Variants in FAT1 observed in about 807,000 individuals in gnomAD.
The protein encoded by FAT1 is FAT atypical cadherin 1.
A neutral mutation model predicts 329.8 loss-of-function variants in FAT1; 171 were observed. The observed-to-expected ratio is 0.52, with a 90% CI of 0.46 to 0.59. FAT1 has a LOEUF of 0.59. Ranked by LOEUF, FAT1 falls within the 20% of genes least tolerant of loss-of-function variation. The pLI is 0.00. For missense variants in FAT1, 5,672 were observed against 5,774.4 expected (o/e 0.98, Z 0.57); for synonymous variants, 2,233 against 2,228.6 (o/e 1.00, Z -0.06).
rs753919744 is a variant in FAT1, at chr4:186,709,155, C to T, written c.673G>A (p.Ala225Thr). 6.2e-7 allele frequency: 1 copy of T among 1,614,004 alleles called. No individual in the cohort carries two copies. The highest frequency in any genetic ancestry group is 8.5e-7 in the Non-Finnish European group (1 of 1,179,890). The change falls in exon 2 of 27, where the codon GCG (alanine) becomes ACG (threonine). Residue 225 changes from alanine to threonine, a missense_variant. Physicochemically the swap from Ala to Thr is moderately conservative, Grantham distance 58. Transcript: ENST00000441802. Reference protein sequence around the residue: ...TKLYEMEILAADRGMKLYGSS... With the variant: ...TKLYEMEILATDRGMKLYGSS... ...CCATACAACTTCATGCCACGGTCCG[C>T]AGCGAGGATTTCCATCTCATAGAGC...
intron 2 of FAT1, among the ~76,000 whole-genome samples, chr4:186,667,874 C>CT (rs1427015110): frequency 6.6e-6 from 1 of 152,200 alleles, no homozygotes; most frequent in Non-Finnish European, 1.5e-5. Flanking sequence ...GCCGGACAGT[C>CT]TGACTCCAGG....
chr4:186,646,863 G>T (rs1366999410), intron 3 of FAT1, among the ~76,000 whole-genome samples: 5 of 152,204 alleles, frequency 3.3e-5, no homozygotes, highest in Non-Finnish European at 7.4e-5. Flanking sequence ...TAGAATTGCT[G>T]GTGTACTACT....
At chr4:186,703,756 G>A (rs1487290539) in intron 2 of FAT1, among the ~76,000 whole-genome samples, 1 of 152,234 alleles carries the variant, frequency 6.6e-6, no homozygotes, top group South Asian at 2.1e-4. Context: ...CCAAGCTGTA[G>A]TGCAGTCTCT....
chr4:186,632,799 T>C (rs946403904), intron 7 of FAT1, among the ~76,000 whole-genome samples: 1 of 152,234 alleles, frequency 6.6e-6, no homozygotes. Context: ...AACAGGATAA[T>C]CTAACGCTAG....
chr4:186,662,003 TC>T (rs1264358684), intron 3 of FAT1, among the ~76,000 whole-genome samples: 5 of 131,540 alleles, frequency 3.8e-5, no homozygotes, highest in Admixed American at 3.0e-4. Flanking sequence ...GTGTAGGAAA[TC>T]CTCCCCCCCG....
rs2126688656 is a variant in FAT1 at position 186,707,451 on chromosome 4, T to A, written c.2377A>T (p.Thr793Ser). 6.2e-7 allele frequency: 1 copy of A among 1,614,008 alleles called. No homozygotes were observed. The highest frequency in any genetic ancestry group is 1.1e-5 in the South Asian group (1 of 91,078). ...TGGGGTATCCCAAGGTCATAGACGG[T>A]AATATTCAGGGTGTATTTGTCTGTT... ...ETTDKYTLNI[T>S]VYDLGIPQKA... is the part of the protein sequence containing the mutation. The change falls in exon 2 of 27, where the codon ACC (threonine) becomes TCC (serine). Residue 793 changes from threonine to serine, a missense_variant. This residue lies in a region of FAT1 where 3,966 missense variants were observed against 3,915.2 expected (regional missense o/e 1.01). Coordinates refer to ENST00000441802, the MANE Select transcript of FAT1 (RefSeq NM_005245.4).
At chr4:186,597,620 T>C in intron 24 of FAT1, 62 bp downstream of exon 24, 1 of 1,156,932 alleles carries the variant, frequency 8.6e-7, no homozygotes, top group Non-Finnish European at 1.3e-6. Flanking sequence ...GTCTGTTGCA[T>C]CTGCCAGTCA....
intron 2 of FAT1, among the ~76,000 whole-genome samples, chr4:186,700,036 G>A (rs114936028): frequency 0.012 from 1,795 of 152,184 alleles, 40 homozygotes; most frequent in African/African-American, 0.042. Context: ...CAAGGGGGAC[G>A]GTGAGTAAGC....
chr4:186,673,104 C>T (rs1175175002), intron 2 of FAT1, among the ~76,000 whole-genome samples: 4 of 152,230 alleles, frequency 2.6e-5, no homozygotes, highest in East Asian at 1.9e-4. Flanking sequence ...AAATATGATG[C>T]TACTGCTGTT....
chr4:186,597,889 G>A (rs779847763), intron 23 of FAT1, 83 bp downstream of exon 23: 40 of 1,561,380 alleles, frequency 2.6e-5, no homozygotes, highest in African/African-American at 1.4e-4. Flanking sequence ...GCAAATTAAC[G>A]TGCAGACTTT....
In FAT1 at chr4:186,619,262, T is replaced by C. The variant is rs1054095106; in HGVS notation, c.7324A>G (p.Ser2442Gly). Residue 2442 changes from serine (S) to glycine (G), a missense_variant, in exon 10 of 27, where the codon AGT becomes GGT. Ser to Gly is a moderately conservative substitution (Grantham distance 56, BLOSUM62 0). Coordinates refer to ENST00000441802, the MANE Select transcript of FAT1 (RefSeq NM_005245.4). The stretch of plus-strand genomic sequence containing the variant: ...GAGAGGGTGATAATCCCTGTTGCAC[T>C]GTCAATGACAAAATGTTTATGATCA... The part of the protein sequence containing the change: ...GNDHKHFVID[S>G]ATGIITLSNL... 1.2e-6 allele frequency: 2 copies of C among 1,614,032 alleles called. No homozygotes were observed. Among genetic ancestry groups the C allele is most frequent in the Non-Finnish European group, 1.7e-6 (2 of 1,179,902 alleles).
rs181534488 is a variant in FAT1 at position 186,655,037 on chromosome 4, G to T, written c.3580+8262C>A. ...TAAGAAGATTCACTATTTATCAAAT[G>T]AGGTTTTTATGGTATATACATATTG... is the stretch of plus-strand genomic sequence containing the variant. On this transcript the variant is annotated intron_variant, in intron 3 of 26. Coordinates refer to ENST00000441802, the MANE Select transcript of FAT1 (RefSeq NM_005245.4). 1.4e-4 allele frequency among the ~76,000 whole-genome samples: 21 copies of T among 152,230 alleles called. No homozygotes were observed. The East Asian group carries it at 3.9e-3, about 28-fold the overall frequency.
chr4:186,628,427 C>T (rs1740426334), intron 8 of FAT1, 61 bp downstream of exon 8: 26 of 1,609,962 alleles, frequency 1.6e-5, no homozygotes, highest in South Asian at 2.2e-5. Context: ...TTAAAAATCA[C>T]GCTCGAACAC....
chr4:186,705,244 CA>C (rs1465122515), intron 2 of FAT1, among the ~76,000 whole-genome samples: 1 of 152,006 alleles, frequency 6.6e-6, no homozygotes, highest in Non-Finnish European at 1.5e-5. Flanking sequence ...GCACCCAGCC[CA>C]AAATAATGTT....
intron 6 of FAT1, 133 bp downstream of exon 6, chr4:186,635,892 G>T (rs2126560499): frequency 7.9e-6 from 6 of 755,592 alleles, no homozygotes; most frequent in East Asian, 2.7e-5. Flanking sequence ...TATTATAGTT[G>T]AAAGCAAATT....
chr4:186,604,945 G>A (rs57395679), intron 17 of FAT1, among the ~76,000 whole-genome samples: 2,054 of 152,000 alleles, frequency 0.014, 53 homozygotes, highest in African/African-American at 0.046. Flanking sequence ...GAGGCCAGGC[G>A]CGGTGGCTCA....
rs1227074531 is a variant in FAT1, at chr4:186,604,384, T to C, written c.10541A>G (p.Gln3514Arg). The C allele has an allele frequency of 6.2e-7, 1 of 1,612,342 alleles. No individual in the cohort carries two copies. Among genetic ancestry groups the C allele is most frequent in the African/African-American group, 1.3e-5 (1 of 75,012 alleles). The change falls in exon 18 of 27, where the codon CAG becomes CGG. Residue 3514 changes from glutamine to arginine, a missense_variant. Transcript: ENST00000441802. ...AAAGAAAGCCATTCATACCTTCACC[T>C]GCAGTAAGTAATGATCTTTCTCCTT... Reference protein sequence around the residue: ...KRKEKDHYLLQVKVADNGKPQ... With the variant: ...KRKEKDHYLLRVKVADNGKPQ...
rs1270401187 is a variant in FAT1, at chr4:186,603,630, T to A, written c.10896A>T (p.Arg3632Ser). 1.2e-6 allele frequency: 2 copies of A among 1,614,024 alleles called. No individual in the cohort carries two copies. The highest frequency in any genetic ancestry group is 1.1e-5 in the South Asian group (1 of 91,086). ...GGTTCAACATCTCCTGTGTGACTTG[T>A]CTGATATGCACTGTGATGTCGGCCA... is the stretch of plus-strand genomic sequence containing the variant. ...TTVADITVHI[R>S]QVTQEMLNHT... Residue 3632 changes from arginine to serine, a missense_variant, in exon 19 of 27, where the codon AGA becomes AGT. By Grantham distance (110) the Arg-to-Ser change is moderately radical. This residue lies in a region of FAT1 where 1,706 missense variants were observed against 1,859.1 expected (regional missense o/e 0.92). Coordinates refer to ENST00000441802, the MANE Select transcript of FAT1 (RefSeq NM_005245.4).
intron 2 of FAT1, among the ~76,000 whole-genome samples, chr4:186,665,628 C>T (rs917508165): frequency 1.3e-5 from 2 of 152,032 alleles, no homozygotes; most frequent in African/African-American, 4.8e-5. Flanking sequence ...AAATTTTCTC[C>T]CATTCTGTAG....
Sources: gnomAD v4.1 joint callset for allele counts (sites outside exome capture counted in the v4.1 genomes callset) on GRCh38, gnomAD v4.1.1 for gene constraint, gnomAD v4.1.1 regional missense constraint, MANE v1.5 for transcripts, NCBI Gene and HGNC (gene_info 2026-07-23, HGNC 2026-07-21) for gene names.